The following CADM2 variants were observed in gnomAD, a reference collection of about 807,000 sequenced individuals.
The protein encoded by CADM2 is immunoglobulin superfamily member 4D.
A neutral mutation model predicts 49.8 loss-of-function variants in CADM2; 12 were observed. The ratio of observed to expected loss-of-function variants is 0.24; its 90% CI spans 0.15 to 0.39. The LOEUF (loss-of-function observed/expected upper bound fraction) is 0.39. Among genes scored for constraint, CADM2 ranks in the 10% least tolerant of loss-of-function variants. The pLI is 1.00. For missense variants in CADM2, 378 were observed against 492.3 expected (o/e 0.77, Z 2.20); for synonymous variants, 214 against 175.4 (o/e 1.22, Z -1.74).
At chr3:85,485,616 C>T (rs981803292) in intron 1 of CADM2, among the ~76,000 whole-genome samples, 3 of 151,236 alleles carry the variant, frequency 2.0e-5, no homozygotes, top group Admixed American at 1.3e-4. Context: ...TTAACATCAG[C>T]AAAATCATAG....
At chr3:85,046,909 G>A (rs1175404540) in intron 1 of CADM2, among the ~76,000 whole-genome samples, 1 of 151,906 alleles carries the variant, frequency 6.6e-6, no homozygotes, top group Admixed American at 6.6e-5. Context: ...CATACATATA[G>A]GTGAGAATTT....
At chr3:85,716,044 T>C (rs1406576485) in intron 1 of CADM2, among the ~76,000 whole-genome samples, 6 of 152,196 alleles carry the variant, frequency 3.9e-5, no homozygotes, top group Non-Finnish European at 8.8e-5. Context: ...CTGGGTCAAA[T>C]GGTATTTCTA....
chr3:85,658,922 T>A (rs996243237), intron 1 of CADM2, among the ~76,000 whole-genome samples: 9 of 150,906 alleles, frequency 6.0e-5, no homozygotes, highest in African/African-American at 1.9e-4. Flanking sequence ...CACAGTGGTG[T>A]GCACCTGTAG....
rs1484356086 is a variant in CADM2 at position 85,014,251 on chromosome 3, A to G, written c.61+54583A>G. On this transcript the variant is annotated intron_variant, in intron 1 of 9. Coordinates refer to ENST00000383699, the MANE Select transcript of CADM2 (RefSeq NM_001167675.2). ...ACGCAGTGTAATAATATTGTATATT[A>G]TATATACGCAGTGTAATAATATGTT... 6.0e-5 allele frequency among the ~76,000 whole-genome samples: 9 copies of G among 150,560 alleles called. No homozygotes were observed. In the Admixed American group the frequency reaches 6.0e-4, roughly 10 times the overall value.
chr3:85,822,443 G>C (rs963325210), intron 3 of CADM2, among the ~76,000 whole-genome samples: 2 of 152,020 alleles, frequency 1.3e-5, no homozygotes, highest in Non-Finnish European at 2.9e-5. Context: ...AATTATCCAG[G>C]CATGGTGATG....
At chr3:85,923,054 A>C (rs556446663) in intron 6 of CADM2, among the ~76,000 whole-genome samples, 1 of 152,020 alleles carries the variant, frequency 6.6e-6, no homozygotes, top group South Asian at 2.1e-4. Context: ...TGATCTCCTG[A>C]CCTCATGACC....
intron 1 of CADM2, among the ~76,000 whole-genome samples, chr3:85,171,597 A>G (rs2040629762): frequency 6.6e-6 from 1 of 152,182 alleles, no homozygotes; most frequent in South Asian, 2.1e-4. Flanking sequence ...TGGCTTACTG[A>G]GGCATAATGT....
intron 2 of CADM2, among the ~76,000 whole-genome samples, chr3:85,755,207 C>T (rs1185579479): frequency 6.6e-6 from 1 of 152,148 alleles, no homozygotes; most frequent in African/African-American, 2.4e-5. Context: ...ACCTGGCTGA[C>T]CCAAAATGTG....
At chr3:85,167,797 G>A (rs1190356686) in intron 1 of CADM2, among the ~76,000 whole-genome samples, 2 of 152,056 alleles carry the variant, frequency 1.3e-5, no homozygotes, top group Admixed American at 1.3e-4. Context: ...AAAGTAAAAA[G>A]TAAATCAGAG....
intron 1 of CADM2, among the ~76,000 whole-genome samples, chr3:85,421,513 T>C (rs1226084365): frequency 6.6e-6 from 1 of 152,184 alleles, no homozygotes; most frequent in Non-Finnish European, 1.5e-5. Flanking sequence ...CCATATGAAG[T>C]TGAGTGTTGA....
At chr3:85,864,446 G>A (rs545244195) in intron 3 of CADM2, among the ~76,000 whole-genome samples, 2 of 152,168 alleles carry the variant, frequency 1.3e-5, no homozygotes, top group Non-Finnish European at 2.9e-5. Flanking sequence ...GAAATTTACA[G>A]CAATTATTTA....
chr3:85,697,892 G>T (rs542177277), intron 1 of CADM2, among the ~76,000 whole-genome samples: 35 of 152,338 alleles, frequency 2.3e-4, no homozygotes, highest in African/African-American at 7.5e-4. Context: ...CTACCATGCA[G>T]CAGTCATTGA....
At chr3:85,540,172 T>A (rs2061508146) in intron 1 of CADM2, among the ~76,000 whole-genome samples, 1 of 152,168 alleles carries the variant, frequency 6.6e-6, no homozygotes, top group South Asian at 2.1e-4. Context: ...TAGGATTATA[T>A]TCATTTTCAT....
chr3:85,539,033 A>G (rs12488009), intron 1 of CADM2, among the ~76,000 whole-genome samples: 2,031 of 152,158 alleles, frequency 0.013, 113 homozygotes, highest in South Asian at 0.1. Context: ...CTTCCCTTAT[A>G]CAGGGAAGCC....
At chr3:84,993,733 C>T (rs992408383) in intron 1 of CADM2, among the ~76,000 whole-genome samples, 1 of 152,144 alleles carries the variant, frequency 6.6e-6, no homozygotes, top group African/African-American at 2.4e-5. Context: ...TGCTTTGTTT[C>T]GCTCATTCCA....
At chr3:85,927,568 AT>A (rs1378774547) in intron 6 of CADM2, among the ~76,000 whole-genome samples, 1 of 152,188 alleles carries the variant, frequency 6.6e-6, no homozygotes, top group East Asian at 1.9e-4. Context: ...ATAGGAACTA[AT>A]TTTGTGAACA....
chr3:85,982,801 G>T (rs1727639066), intron 8 of CADM2, among the ~76,000 whole-genome samples: 1 of 151,620 alleles, frequency 6.6e-6, no homozygotes. Context: ...TGATTAAAAA[G>T]GATTCATAAT....
In CADM2 at chr3:85,542,254, A is replaced by G. The variant is rs188586547; in HGVS notation, c.62-184268A>G. On this transcript the variant is annotated intron_variant, in intron 1 of 9. Transcript: ENST00000383699. ...TCAAAGAAGCACAATGAGAAAAGAG[A>G]TATCTTACTGCTATAATACCTAATT... Among the ~76,000 whole-genome samples the G allele has an allele frequency of 6.1e-3, 933 of 152,246 alleles. 6 individuals are homozygous for G. Among genetic ancestry groups the G allele is most frequent in the Non-Finnish European group, 9.6e-3 (654 of 68,010 alleles).
intron 1 of CADM2, among the ~76,000 whole-genome samples, chr3:85,545,620 A>G (rs2061650939): frequency 1.3e-5 from 2 of 152,134 alleles, no homozygotes; most frequent in South Asian, 4.1e-4. Context: ...TGTTTCCTAG[A>G]TGCTCTGAAA....
Sources: gnomAD v4.1 joint callset for allele counts (sites outside exome capture counted in the v4.1 genomes callset) on GRCh38, gnomAD v4.1.1 for gene constraint, MANE v1.5 for transcripts, NCBI Gene and HGNC (gene_info 2026-07-23, HGNC 2026-07-21) for gene names.